MTAP: variants seen among roughly 807,000 people sequenced by gnomAD.
MTAP encodes the protein S-methyl-5'-thioadenosine phosphorylase.
MTAP carries 33 observed loss-of-function variants against 33.6 expected under a neutral mutation model. That is an observed-to-expected ratio of 0.98 (90% CI 0.74 to 1.31). The LOEUF is 1.31. Ranked by LOEUF, MTAP falls within the 40% of genes most tolerant of loss-of-function variation. The probability of loss-of-function intolerance (pLI) is 0.00; values close to 1 mark genes in which losing one functional copy is unlikely to be tolerated. For missense variants in MTAP, 367 were observed against 360.0 expected (o/e 1.02, Z -0.16); for synonymous variants, 148 against 125.7 (o/e 1.18, Z -1.19).
rs116805964 is a variant in MTAP at position 21,926,136 on chromosome 9, C to G, written c.148-4872C>G. Among the ~76,000 whole-genome samples, 1,443 of 152,272 alleles carry G rather than the reference C, an allele frequency of 9.5e-3. 17 individuals are homozygous for G. The highest frequency in any genetic ancestry group is 0.033 in the African/African-American group (1,371 of 41,546). ...CAGACTTTTCCATTAATCCAGAAGT[C>G]TGGGGCTCAAGAATATCAGGAAAGG... On this transcript the variant is annotated intron_variant, in intron 1 of 1. Coordinates refer to the MTAP transcript ENST00000577563.
At chr9:21,848,248 GC>G (rs1173300298) in intron 5 of MTAP, among the ~76,000 whole-genome samples, 1 of 152,134 alleles carries the variant, frequency 6.6e-6, no homozygotes, top group African/African-American at 2.4e-5. Flanking sequence ...GTTCCAGCAG[GC>G]CCCTAGAGGT....
intron 4 of MTAP, among the ~76,000 whole-genome samples, chr9:21,822,255 T>A (rs1207217323): frequency 6.6e-6 from 1 of 152,238 alleles, no homozygotes; most frequent in Non-Finnish European, 1.5e-5. Flanking sequence ...TTGCTTTCTC[T>A]TGTGGGCATT....
At chr9:21,819,486 C>T (rs1402210784) in intron 4 of MTAP, among the ~76,000 whole-genome samples, 2 of 152,180 alleles carry the variant, frequency 1.3e-5, no homozygotes, top group Non-Finnish European at 2.9e-5. Flanking sequence ...CTTTTTATGG[C>T]TGCGTAGTAT....
intron 4 of MTAP, among the ~76,000 whole-genome samples, chr9:21,829,629 G>T (rs1268532788): frequency 7.0e-6 from 1 of 142,320 alleles, no homozygotes. Context: ...CGTTGTCTCA[G>T]AAAAAAAAAA....
downstream of MTAP, among the ~76,000 whole-genome samples, chr9:21,939,750 G>A (rs1819105011): frequency 6.6e-6 from 1 of 151,928 alleles, no homozygotes; most frequent in African/African-American, 2.4e-5. Context: ...AGGTATGGTG[G>A]TGCACGCTTG....
At chr9:21,886,775 A>T (rs543221927) in intron 1 of MTAP, among the ~76,000 whole-genome samples, 2 of 152,250 alleles carry the variant, frequency 1.3e-5, no homozygotes, top group East Asian at 1.9e-4. Flanking sequence ...TGGATACTCT[A>T]TTCTGTTCCG....
rs576099349 is a variant in MTAP at position 21,844,859 on chromosome 9, A to C, written c.450+6849A>C. On this transcript the variant is annotated intron_variant, in intron 5 of 7. Transcript: ENST00000644715. ...ATCCTGGCTAACACGGTGAAACCCC[A>C]TCTCTACTAAAAATACAAAAAAATT... Among the ~76,000 whole-genome samples, 14 of 152,212 alleles carry C rather than the reference A, an allele frequency of 9.2e-5. 1 individual carries two copies. The South Asian group carries it at 1.9e-3, about 20-fold the overall frequency.
intron 1 of MTAP, among the ~76,000 whole-genome samples, chr9:21,909,533 G>A (rs1390945226): frequency 1.3e-5 from 2 of 152,074 alleles, no homozygotes; most frequent in Non-Finnish European, 2.9e-5. Context: ...TGCTTGATAT[G>A]TAGTGTGTTA....
In MTAP at chr9:21,829,426, T is replaced by TG. The variant is rs200800747; in HGVS notation, c.348-8482_348-8481insG. 6.3e-3 allele frequency among the ~76,000 whole-genome samples: 953 copies of TG among 151,292 alleles called. 23 individuals carry two copies. The highest frequency in any genetic ancestry group is 0.061 in the East Asian group (315 of 5,164). ...CTCTCATTCTTTTGTTGTTTTTTTT[T>TG]TTTGTTTGTTTGTTTTTTTGAGACA... On this transcript the variant is annotated intron_variant, in intron 4 of 7. Transcript: ENST00000644715.
At chr9:21,928,051 G>A (rs1403311537) in intron 1 of MTAP, among the ~76,000 whole-genome samples, 1 of 152,130 alleles carries the variant, frequency 6.6e-6, no homozygotes, top group Non-Finnish European at 1.5e-5. Context: ...CCTCTGTGGG[G>A]ACTTTACTCC....
intron 5 of MTAP, among the ~76,000 whole-genome samples, chr9:21,847,458 A>G (rs1315545699): frequency 6.6e-6 from 1 of 152,216 alleles, no homozygotes; most frequent in East Asian, 1.9e-4. Context: ...ACTTCTAATA[A>G]TATGGATAAC....
At chr9:21,803,728 G>C (rs1421292774) in intron 1 of MTAP, among the ~76,000 whole-genome samples, 5 of 84,354 alleles carry the variant, frequency 5.9e-5, no homozygotes, top group Non-Finnish European at 8.6e-5. Context: ...CTAAGAATGC[G>C]TTCTTGTTTG....
intron 6 of MTAP, chr9:21,856,186 G>A (rs1825639148): frequency 1.0e-6 from 1 of 985,244 alleles, no homozygotes; most frequent in African/African-American, 1.7e-5. Context: ...TTTGAAGTAA[G>A]GAAAACATTT....
chr9:21,938,486 A>G (rs1199883659), downstream of MTAP, among the ~76,000 whole-genome samples: 1 of 152,044 alleles, frequency 6.6e-6, no homozygotes, highest in African/African-American at 2.4e-5. Flanking sequence ...AGAAAAAAAG[A>G]GAATTGCATA....
At chr9:21,903,525 C>A (rs1202918439) in intron 1 of MTAP, among the ~76,000 whole-genome samples, 1 of 151,886 alleles carries the variant, frequency 6.6e-6, no homozygotes, top group Non-Finnish European at 1.5e-5. Context: ...TCATTAAAAC[C>A]ACTTCTCTGG....
intron 1 of MTAP, among the ~76,000 whole-genome samples, chr9:21,925,914 T>G (rs960678641): frequency 3.3e-5 from 5 of 152,184 alleles, no homozygotes; most frequent in Non-Finnish European, 7.3e-5. Context: ...TTAAATTGGG[T>G]GCCCATAACC....
chr9:21,914,875 C>T (rs1164211336), intron 1 of MTAP, among the ~76,000 whole-genome samples: 1 of 151,266 alleles, frequency 6.6e-6, no homozygotes. Context: ...AAGAAATTGC[C>T]TATTTTGGAC....
chr9:21,940,487 G>A (rs1819119562), downstream of MTAP, among the ~76,000 whole-genome samples: 1 of 152,070 alleles, frequency 6.6e-6, no homozygotes, highest in African/African-American at 2.4e-5. Flanking sequence ...CTGTCTTTGA[G>A]GTTTTGTTAT....
intron 1 of MTAP, among the ~76,000 whole-genome samples, chr9:21,898,342 A>G (rs1818332464): frequency 6.6e-6 from 1 of 152,238 alleles, no homozygotes. Context: ...CATGACTACA[A>G]CACCAAAAGC....
Sources: allele counts gnomAD v4.1 joint callset (sites outside exome capture counted in the v4.1 genomes callset), GRCh38; gene constraint gnomAD v4.1.1; transcripts MANE v1.5; gene names NCBI Gene and HGNC (gene_info 2026-07-23, HGNC 2026-07-21).